WNT2: variants seen among roughly 807,000 people sequenced by gnomAD.
The protein encoded by WNT2 is protein Wnt-2.
A neutral mutation model predicts 36.9 loss-of-function variants in WNT2; 12 were observed. The observed-to-expected ratio is 0.33, with a 90% CI of 0.21 to 0.53. The LOEUF is 0.53. Ranked by LOEUF, WNT2 falls within the 20% of genes least tolerant of loss-of-function variation. The pLI is 0.95. For missense variants in WNT2, 379 were observed against 473.1 expected (o/e 0.80, Z 1.84); for synonymous variants, 163 against 174.6 (o/e 0.93, Z 0.52).
chr7:117,280,359 A>G (rs1794459671), intron 4 of WNT2, among the ~76,000 whole-genome samples: 1 of 152,210 alleles, frequency 6.6e-6, no homozygotes, highest in Admixed American at 6.5e-5. Context: ...CATTCAGTAA[A>G]CATTTAGTGA....
rs1794385442 is a variant in WNT2 at position 117,276,692 on chromosome 7, A to G, written c.*1463T>C. The G allele has an allele frequency of 1.3e-5, 2 of 152,240 alleles. No homozygotes were observed. The highest frequency in any genetic ancestry group is 1.5e-5 in the Non-Finnish European group (1 of 68,048). 9.4% of individuals were successfully genotyped at this position (152,240 alleles called of 1,614,324 possible). ...ATGTAGCACTGTAAGGAAGTCATATACAGAATAAGAACCAAATTTTTCAAG... is the reference window on the plus strand; with the variant it reads ...ATGTAGCACTGTAAGGAAGTCATATGCAGAATAAGAACCAAATTTTTCAAG... On this transcript the variant is annotated 3_prime_UTR_variant, in exon 5 of 5. Transcript: ENST00000265441.
intron 4 of WNT2, among the ~76,000 whole-genome samples, chr7:117,288,295 A>G (rs1794622777): frequency 6.6e-6 from 1 of 152,250 alleles, no homozygotes; most frequent in Non-Finnish European, 1.5e-5. Context: ...GGAACCTTAG[A>G]AATTGCTAGA....
intron 4 of WNT2, among the ~76,000 whole-genome samples, chr7:117,285,271 C>T (rs972834783): frequency 2.6e-5 from 4 of 152,186 alleles, no homozygotes; most frequent in Non-Finnish European, 5.9e-5. Flanking sequence ...TACTGGATGC[C>T]TGTAACCTTT....
chr7:117,320,510 T>A, intron 2 of WNT2, 57 bp downstream of exon 2: 1 of 1,495,620 alleles, frequency 6.7e-7, no homozygotes, highest in South Asian at 1.2e-5. Context: ...GAAGATGGAG[T>A]GAGGGAGCTG....
chr7:117,285,196 G>GA (rs1156897771), intron 4 of WNT2, among the ~76,000 whole-genome samples: 1 of 152,100 alleles, frequency 6.6e-6, no homozygotes, highest in Non-Finnish European at 1.5e-5. Context: ...GTAAGAAACT[G>GA]AAAAAAAGAC....
At chr7:117,311,577 T>C (rs1291121073) in intron 3 of WNT2, among the ~76,000 whole-genome samples, 1 of 152,244 alleles carries the variant, frequency 6.6e-6, no homozygotes, top group Non-Finnish European at 1.5e-5. Flanking sequence ...GACAGTATTT[T>C]ATCAATTAAA....
At chr7:117,301,436 T>A (rs1794903762) in intron 3 of WNT2, among the ~76,000 whole-genome samples, 1 of 152,142 alleles carries the variant, frequency 6.6e-6, no homozygotes, top group Non-Finnish European at 1.5e-5. Flanking sequence ...AAACTTACAA[T>A]GAGGATTCCT....
intron 4 of WNT2, among the ~76,000 whole-genome samples, chr7:117,289,645 A>G (rs969538510): frequency 1.3e-5 from 2 of 152,230 alleles, no homozygotes; most frequent in Non-Finnish European, 2.9e-5. Context: ...ATAATTTGCC[A>G]TTCAATTCAC....
rs1177945612 is a variant in WNT2 at position 117,275,585 on chromosome 7, T to C, written c.*2570A>G. Among the ~76,000 whole-genome samples the C allele has an allele frequency of 2.0e-5, 3 of 152,226 alleles. No individual in the cohort carries two copies. The highest frequency in any genetic ancestry group is 2.1e-4 in the South Asian group (1 of 4,828). The stretch of plus-strand genomic sequence containing the variant: ...AGGGGATTTCCCAATTATTTTGTTT[T>C]GGCTAATTTGTGCCATATATTCCCC... On this transcript the variant is annotated 3_prime_UTR_variant, in exon 5 of 5. Coordinates refer to ENST00000265441, the MANE Select transcript of WNT2 (RefSeq NM_003391.3).
chr7:117,317,865 A>T (rs1000845301), intron 2 of WNT2, among the ~76,000 whole-genome samples: 4 of 152,190 alleles, frequency 2.6e-5, no homozygotes, highest in African/African-American at 9.7e-5. Flanking sequence ...GGATTGTTCA[A>T]TTCTCTTTAA....
rs1016931896 is a variant in WNT2 at position 117,284,160 on chromosome 7, A to G, written c.854-5776T>C. Among the ~76,000 whole-genome samples the G allele has an allele frequency of 2.6e-5, 4 of 152,236 alleles. No homozygotes were observed. Among genetic ancestry groups the G allele is most frequent in the African/African-American group, 7.2e-5 (3 of 41,462 alleles). Reference sequence around the variant, plus strand: ...TGTCATTTTAGCAGAACATACAGCCATTTCATAGAAACCCTGAAAAGAACA... The same window carrying G: ...TGTCATTTTAGCAGAACATACAGCCGTTTCATAGAAACCCTGAAAAGAACA... On this transcript the variant is annotated intron_variant, in intron 4 of 4. Coordinates refer to ENST00000265441, the MANE Select transcript of WNT2 (RefSeq NM_003391.3). This position sits in a 1 kb window ranked among gnomAD's most constrained non-coding sequence, Gnocchi z 5.2.
At chr7:117,293,164 C>G (rs923606160) in intron 4 of WNT2, among the ~76,000 whole-genome samples, 17 of 151,794 alleles carry the variant, frequency 1.1e-4, no homozygotes, top group Non-Finnish European at 1.9e-4. Context: ...GGGAACAGCT[C>G]CCTAAGATGC....
At chr7:117,285,002 G>A (rs1237472294) in intron 4 of WNT2, among the ~76,000 whole-genome samples, 1 of 152,216 alleles carries the variant, frequency 6.6e-6, no homozygotes, top group Non-Finnish European at 1.5e-5. Flanking sequence ...GCCCGGCCAG[G>A]CACCAGAAAG....
In WNT2 at chr7:117,287,918, G is replaced by A. The variant is rs190304094; in HGVS notation, c.854-9534C>T. Reference sequence around the variant, plus strand: ...CAGGAGAATCGTTTGAACCCAGAAGGCAGAGGTTGCAGTGAGCTGAGATTG... The same window carrying A: ...CAGGAGAATCGTTTGAACCCAGAAGACAGAGGTTGCAGTGAGCTGAGATTG... On this transcript the variant is annotated intron_variant, in intron 4 of 4. Coordinates refer to ENST00000265441, the MANE Select transcript of WNT2 (RefSeq NM_003391.3). 6.8e-4 allele frequency among the ~76,000 whole-genome samples: 104 copies of A among 152,210 alleles called. 1 individual carries two copies. The highest frequency in any genetic ancestry group is 1.2e-3 in the Admixed American group (18 of 15,296).
At chr7:117,295,216 A>G (rs1794767586) in intron 4 of WNT2, among the ~76,000 whole-genome samples, 1 of 152,192 alleles carries the variant, frequency 6.6e-6, no homozygotes, top group Admixed American at 6.5e-5. Flanking sequence ...ACTAACCACA[A>G]GTGGGTAGGG....
At chr7:117,307,178 A>G (rs534834580) in intron 3 of WNT2, among the ~76,000 whole-genome samples, 4 of 152,184 alleles carry the variant, frequency 2.6e-5, no homozygotes, top group Non-Finnish European at 5.9e-5. Flanking sequence ...GTAGGCTAGA[A>G]CAATTCTATT....
In WNT2 at chr7:117,315,238, T is replaced by C. The variant is rs1795194289; in HGVS notation, c.421A>G (p.Lys141Glu). ...EVKSCSCDPK[K>E]MGSAKDSKGI... Reference sequence around the variant, plus strand: ...TTGCTGTCCTTGGCGCTTCCCATCTTCTTTGGATCACAGGAACAGGATTTT... The same window carrying C: ...TTGCTGTCCTTGGCGCTTCCCATCTCCTTTGGATCACAGGAACAGGATTTT... The change falls in exon 3 of 5, where the codon AAG (lysine) becomes GAG (glutamate). Residue 141 changes from lysine (K) to glutamate (E), a missense_variant. Coordinates refer to ENST00000265441, the MANE Select transcript of WNT2 (RefSeq NM_003391.3). 6.2e-7 allele frequency: 1 copy of C among 1,614,202 alleles called. No individual in the cohort carries two copies. Among genetic ancestry groups the C allele is most frequent in the Non-Finnish European group, 8.5e-7 (1 of 1,180,026 alleles).
Position 117,278,397 on chromosome 7 carries a change from C to T in WNT2, c.854-13G>A. 6.2e-7 allele frequency: 1 copy of T among 1,608,530 alleles called. No homozygotes were observed. Among genetic ancestry groups the T allele is most frequent in the Non-Finnish European group, 8.5e-7 (1 of 1,177,208 alleles). ...GTACCCAGGGAGCCTGGAAGACAAGCCAGGGAGTGTTACTGAAAAGGTCTG... is the reference window on the plus strand; with the variant it reads ...GTACCCAGGGAGCCTGGAAGACAAGTCAGGGAGTGTTACTGAAAAGGTCTG... On this transcript the variant is annotated splice_polypyrimidine_tract_variant and intron_variant, in intron 4 of 4. Coordinates refer to ENST00000265441, the MANE Select transcript of WNT2 (RefSeq NM_003391.3).
At chr7:117,288,722 G>A (rs1239381207) in intron 4 of WNT2, among the ~76,000 whole-genome samples, 1 of 150,386 alleles carries the variant, frequency 6.6e-6, no homozygotes, top group East Asian at 1.9e-4. Context: ...TTTTTTTTTA[G>A]AAAAAAAATC....
Sources: gnomAD v4.1 joint callset for allele counts (sites outside exome capture counted in the v4.1 genomes callset) on GRCh38, gnomAD v4.1.1 for gene constraint, Gnocchi (gnomAD v3.1) non-coding constraint, MANE v1.5 for transcripts, NCBI Gene and HGNC (gene_info 2026-07-23, HGNC 2026-07-21) for gene names.